Variants in EXOC4 observed in about 807,000 individuals in gnomAD.
The protein encoded by EXOC4 is SEC8-like 1.
A neutral mutation model predicts 107.2 loss-of-function variants in EXOC4; 71 were observed. The ratio of observed to expected loss-of-function variants is 0.66; its 90% CI spans 0.55 to 0.81. EXOC4 has a LOEUF of 0.81. Among genes scored for constraint, EXOC4 ranks in the 30% least tolerant of loss-of-function variants. EXOC4 has a pLI of 0.00. For missense variants in EXOC4, 1,108 were observed against 1,189.6 expected, an observed-to-expected ratio of 0.93 and a Z score of 1.01; for synonymous variants, 456 against 441.2, an observed-to-expected ratio of 1.03 and a Z score of -0.42.
the EXOC4 span, among the ~76,000 whole-genome samples, chr7:134,076,901 C>T: frequency 5.9e-3 from 894 of 152,150 alleles, 15 homozygotes; most frequent in African/African-American, 0.02. Context: ...AATATTCATT[C>T]AGTAACACTC....
intron 10 of EXOC4, among the ~76,000 whole-genome samples, chr7:133,655,368 T>C (rs1472343114): frequency 6.6e-6 from 1 of 152,154 alleles, no homozygotes; most frequent in Non-Finnish European, 1.5e-5. Context: ...TAAGCTATAT[T>C]GAAATATACC....
intron 9 of EXOC4, among the ~76,000 whole-genome samples, chr7:133,537,296 A>ACCCCCCCCCCCCCC (rs373040586): frequency 7.8e-6 from 1 of 128,060 alleles, no homozygotes; most frequent in African/African-American, 3.2e-5. Flanking sequence ...GATTACAGGC[A>ACCCCCCCCCCCCCC]CCCCCCCCCC....
chr7:133,971,334 GTATATATATATATA>G (rs1206467959), intron 14 of EXOC4, among the ~76,000 whole-genome samples: 2 of 41,796 alleles, frequency 4.8e-5, no homozygotes, highest in Admixed American at 4.9e-4. Flanking sequence ...GGGAAAATGT[GTATATATATATATA>G]TATATATATA....
At chr7:133,973,689 T>C (rs1793755397) in intron 14 of EXOC4, among the ~76,000 whole-genome samples, 1 of 152,210 alleles carries the variant, frequency 6.6e-6, no homozygotes, top group African/African-American at 2.4e-5. Flanking sequence ...GGTAATGAAT[T>C]GGAAAAGAAT....
At chr7:134,057,106 G>A (rs1384762161) in intron 17 of EXOC4, among the ~76,000 whole-genome samples, 1 of 152,098 alleles carries the variant, frequency 6.6e-6, no homozygotes, top group African/African-American at 2.4e-5. Context: ...ACTGGTAACT[G>A]CCATTTAAGG....
intron 9 of EXOC4, among the ~76,000 whole-genome samples, chr7:133,530,696 G>T (rs1030617952): frequency 3.7e-4 from 57 of 152,152 alleles, no homozygotes; most frequent in African/African-American, 1.2e-3. Context: ...ATCCAAGAAA[G>T]TTAGTTACAT....
At chr7:133,555,504 A>G (rs1800674096) in intron 9 of EXOC4, among the ~76,000 whole-genome samples, 1 of 152,146 alleles carries the variant, frequency 6.6e-6, no homozygotes, top group South Asian at 2.1e-4. Flanking sequence ...TTGATAATCA[A>G]ATTGCATGGG....
chr7:133,779,884 A>AG (rs758595233), intron 10 of EXOC4, among the ~76,000 whole-genome samples: 2 of 144,978 alleles, frequency 1.4e-5, no homozygotes, highest in East Asian at 2.0e-4. Flanking sequence ...AGCAGCAGCA[A>AG]CATTTATTGT....
At chr7:133,735,576 T>C (rs1795427772) in intron 10 of EXOC4, among the ~76,000 whole-genome samples, 1 of 152,206 alleles carries the variant, frequency 6.6e-6, no homozygotes, top group African/African-American at 2.4e-5. Flanking sequence ...TGAGACCCTC[T>C]GAAGAGTCTT....
chr7:133,836,618 C>T (rs1380840781), intron 11 of EXOC4, among the ~76,000 whole-genome samples: 1 of 152,156 alleles, frequency 6.6e-6, no homozygotes, highest in Non-Finnish European at 1.5e-5. Context: ...ACGTTTCACT[C>T]CAAAACCAAA....
chr7:133,813,164 A>C (rs1391524287), intron 10 of EXOC4, among the ~76,000 whole-genome samples: 1 of 152,176 alleles, frequency 6.6e-6, no homozygotes, highest in Non-Finnish European at 1.5e-5. Flanking sequence ...GAAAGAAATC[A>C]CTCAGCCAAA....
intron 7 of EXOC4, among the ~76,000 whole-genome samples, chr7:133,400,533 T>G (rs1033702198): frequency 5.1e-4 from 77 of 152,234 alleles, no homozygotes; most frequent in African/African-American, 1.7e-3. Flanking sequence ...TATTTTTTTC[T>G]TAGGATTCTT....
At position 133,616,893 on chromosome 7, in the gene EXOC4, A is replaced by G. The variant is rs558736768; in HGVS notation, c.1418-13152A>G. On this transcript the variant is annotated intron_variant, in intron 9 of 17. Transcript: ENST00000253861. The stretch of plus-strand genomic sequence containing the variant: ...TAAATAAAACCATTGGACAGAATAT[A>G]TTGTAAAGGAAATTTTATAATCTAA... 1.1e-4 allele frequency among the ~76,000 whole-genome samples: 17 copies of G among 152,244 alleles called. No homozygotes were observed. The South Asian group carries it at 3.5e-3, about 32-fold the overall frequency.
At chr7:133,856,929 T>C (rs576533890) in intron 11 of EXOC4, among the ~76,000 whole-genome samples, 3 of 150,312 alleles carry the variant, frequency 2.0e-5, no homozygotes, top group Non-Finnish European at 3.0e-5. Context: ...TGAAACCCCG[T>C]CTCTACTAAA....
intron 10 of EXOC4, among the ~76,000 whole-genome samples, chr7:133,767,030 G>A (rs183198823): frequency 3.0e-4 from 45 of 151,842 alleles, no homozygotes; most frequent in African/African-American, 1.0e-3. Flanking sequence ...AGTGATAAGC[G>A]GGGAACTCTG....
intron 10 of EXOC4, among the ~76,000 whole-genome samples, chr7:133,637,387 G>T (rs1802738164): frequency 6.6e-6 from 1 of 152,128 alleles, no homozygotes; most frequent in Non-Finnish European, 1.5e-5. Flanking sequence ...ATGTCAGTTT[G>T]ATGTGTACAT....
intron 7 of EXOC4, among the ~76,000 whole-genome samples, chr7:133,455,146 A>G (rs1396620595): frequency 6.6e-6 from 1 of 152,148 alleles, no homozygotes; most frequent in Admixed American, 6.5e-5. Context: ...GAAATTAACA[A>G]CAATAACTAA....
At chr7:133,709,362 A>G (rs1303720589) in intron 10 of EXOC4, among the ~76,000 whole-genome samples, 3 of 152,240 alleles carry the variant, frequency 2.0e-5, no homozygotes, top group African/African-American at 7.2e-5. Flanking sequence ...ACAGTGAAGC[A>G]TCCTGCAAAC....
intron 9 of EXOC4, among the ~76,000 whole-genome samples, chr7:133,607,669 A>G (rs1051156052): frequency 2.6e-5 from 4 of 152,172 alleles, no homozygotes; most frequent in Non-Finnish European, 4.4e-5. Context: ...GATCATTCTA[A>G]TTTCTCCATC....
Sources: gnomAD v4.1 joint callset for allele counts (sites outside exome capture counted in the v4.1 genomes callset) on GRCh38, gnomAD v4.1.1 for gene constraint, MANE v1.5 for transcripts, NCBI Gene and HGNC (gene_info 2026-07-23, HGNC 2026-07-21) for gene names.